Variants in KLC1 observed in about 807,000 individuals in gnomAD.
KLC1 encodes the protein kinesin 2 60/70kDa.
A neutral mutation model predicts 84.2 loss-of-function variants in KLC1; 30 were observed. The ratio of observed to expected loss-of-function variants is 0.36; its 90% CI spans 0.27 to 0.48. The LOEUF (loss-of-function observed/expected upper bound fraction) is 0.48. Among genes scored for constraint, KLC1 ranks in the 20% least tolerant of loss-of-function variants. The pLI, the probability that KLC1 is intolerant of heterozygous loss-of-function variation, is 0.99. For synonymous variants in KLC1, 289 were observed against 293.3 expected, an observed-to-expected ratio of 0.99 and a Z score of 0.15; for missense variants, 499 against 805.4, an observed-to-expected ratio of 0.62 and a Z score of 4.60.
rs557686710 is a variant in KLC1, at chr14:103,674,876, G to T, written c.1262-676G>T. ...ATTCCAGGGCCCTAGCATTTGCTGGGGTGTCTTGACAGTTGCTCACCTGTC... is the reference window on the plus strand; with the variant it reads ...ATTCCAGGGCCCTAGCATTTGCTGGTGTGTCTTGACAGTTGCTCACCTGTC... On this transcript the variant is annotated intron_variant, in intron 9 of 16. Transcript: ENST00000334553. Among the ~76,000 whole-genome samples, 4 of 152,212 alleles carry T rather than the reference G, an allele frequency of 2.6e-5. No individual in the cohort carries two copies. In the East Asian group the frequency reaches 7.7e-4, roughly 29 times the overall value.
intron 5 of KLC1, 133 bp from the exon 6 acceptor site, chr14:103,669,365 CGGAGGTTGCAGTG>C: frequency 2.1e-6 from 1 of 486,600 alleles, no homozygotes; most frequent in South Asian, 2.5e-5. Context: ...ACCCGTGAGG[CGGAGGTTGCAGTG>C]AGCCAAGATG....
intron 1 of KLC1, among the ~76,000 whole-genome samples, chr14:103,635,187 T>A (rs1388645930): frequency 6.6e-6 from 1 of 152,222 alleles, no homozygotes; most frequent in East Asian, 1.9e-4. Context: ...TCCTTGGTTC[T>A]AAAATATCTG....
chr14:103,690,779 T>G (rs2082062906), intron 14 of KLC1, among the ~76,000 whole-genome samples: 1 of 152,232 alleles, frequency 6.6e-6, no homozygotes, highest in African/African-American at 2.4e-5. Flanking sequence ...CTGTCCATCA[T>G]TTAAGTTATA....
chr14:103,637,622 A>T (rs935977585), intron 1 of KLC1, among the ~76,000 whole-genome samples: 2 of 151,740 alleles, frequency 1.3e-5, no homozygotes, highest in African/African-American at 2.4e-5. Flanking sequence ...TTCTGAAAGC[A>T]TATCTATAAA....
chr14:103,636,855 T>A (rs558142904), intron 1 of KLC1, among the ~76,000 whole-genome samples: 66 of 151,992 alleles, frequency 4.3e-4, no homozygotes, highest in Admixed American at 3.2e-3. Context: ...CTGGAGTAGC[T>A]GGGACTACAG....
chr14:103,675,433 A>G, intron 9 of KLC1, 119 bp from the exon 10 acceptor site: 1 of 749,314 alleles, frequency 1.3e-6, no homozygotes, highest in East Asian at 2.7e-5. Context: ...AAGTGCTCCA[A>G]AGTTTGAAAC....
intron 13 of KLC1, among the ~76,000 whole-genome samples, chr14:103,681,812 T>C (rs1009267531): frequency 1.3e-5 from 2 of 152,202 alleles, no homozygotes; most frequent in Admixed American, 1.3e-4. Flanking sequence ...ATCAACTTTT[T>C]TGAGGGATAA....
intron 1 of KLC1, among the ~76,000 whole-genome samples, chr14:103,636,640 G>A (rs571447817): frequency 6.6e-6 from 1 of 152,196 alleles, no homozygotes; most frequent in African/African-American, 2.4e-5. Context: ...GTCTTTGTAT[G>A]CCTGGATTTG....
At chr14:103,669,761 G>A (rs1388124735) in intron 6 of KLC1, among the ~76,000 whole-genome samples, 163 bp downstream of exon 6, 1 of 152,202 alleles carries the variant, frequency 6.6e-6, no homozygotes, top group Non-Finnish European at 1.5e-5. Flanking sequence ...GCTAGTGACA[G>A]GCCAGAGCAC....
rs558170788 is a variant in KLC1, at chr14:103,643,817, A to T, written c.-1-10747A>T. Reference sequence around the variant, plus strand: ...GTGGTGCATGCCTGTAATCCCAGCTACTCGGGAGGCTGAGTCAGGAGAATC... The same window carrying T: ...GTGGTGCATGCCTGTAATCCCAGCTTCTCGGGAGGCTGAGTCAGGAGAATC... On this transcript the variant is annotated intron_variant, in intron 1 of 16. Transcript: ENST00000334553. Among the ~76,000 whole-genome samples, 3 of 152,126 alleles carry T rather than the reference A, an allele frequency of 2.0e-5. No individual in the cohort carries two copies. In the South Asian group the frequency reaches 6.2e-4, roughly 32 times the overall value.
At chr14:103,686,222 C>T (rs1457017251) in intron 13 of KLC1, 1 of 986,444 alleles carries the variant, frequency 1.0e-6, no homozygotes, top group South Asian at 4.7e-5. Context: ...CTCACTCCGA[C>T]TGACCTGTGT....
intron 15 of KLC1, chr14:103,699,381 C>A: frequency 6.2e-7 from 1 of 1,609,606 alleles, no homozygotes; most frequent in Non-Finnish European, 8.5e-7. Context: ...ATGCACAGCA[C>A]AGGGCTCTGG....
At chr14:103,660,575 G>T (rs577903517) in intron 3 of KLC1, among the ~76,000 whole-genome samples, 17 of 151,982 alleles carry the variant, frequency 1.1e-4, no homozygotes, top group African/African-American at 3.6e-4. Flanking sequence ...GATTACCTGA[G>T]GCCAGGAGTT....
chr14:103,685,966 G>T, intron 13 of KLC1: 1 of 1,117,012 alleles, frequency 9.0e-7, no homozygotes, highest in Non-Finnish European at 1.1e-6. Context: ...GTCACACAAG[G>T]TGTTGTTGCA....
intron 1 of KLC1, among the ~76,000 whole-genome samples, chr14:103,643,925 C>A (rs1383020901): frequency 6.9e-6 from 1 of 144,592 alleles, no homozygotes; most frequent in Non-Finnish European, 1.5e-5. Flanking sequence ...TGTTAAGAAA[C>A]CTAAAGTTGG....
Position 103,645,956 on chromosome 14 carries a change from C to T in KLC1, c.-1-8608C>T, listed in dbSNP as rs184140108. Among the ~76,000 whole-genome samples, 161 of 151,982 alleles carry T rather than the reference C, an allele frequency of 1.1e-3. 3 individuals are homozygous for T. In the East Asian group the frequency reaches 0.026, roughly 25 times the overall value. On this transcript the variant is annotated intron_variant, in intron 1 of 16. Transcript: ENST00000334553. The stretch of plus-strand genomic sequence containing the variant: ...TGTATTTTTAGTAGAGACAGGGTTT[C>T]ATCGTGTTAGCCAGGATGGTCTTGA...
chr14:103,648,780 G>A (rs1308879358), intron 1 of KLC1, among the ~76,000 whole-genome samples: 1 of 152,112 alleles, frequency 6.6e-6, no homozygotes. Flanking sequence ...CAGCCTGGGT[G>A]ACAGAGTGAG....
chr14:103,689,763 T>A (rs2151840311), intron 14 of KLC1, among the ~76,000 whole-genome samples: 1 of 152,332 alleles, frequency 6.6e-6, no homozygotes, highest in South Asian at 2.1e-4. Flanking sequence ...ACTGAAAGGT[T>A]TTGAATGCCA....
At chr14:103,696,091 C>CGGGGGGGGGGGGGGGGGGGGGG in intron 15 of KLC1, 8 of 744,676 alleles carry the variant, frequency 1.1e-5, no homozygotes, top group Non-Finnish European at 8.9e-6. Context: ...ATAATCACTG[C>CGGGGGGGGGGGGGGGGGGGGGG]GCCCCCGCCC....
Sources: allele counts gnomAD v4.1 joint callset (sites outside exome capture counted in the v4.1 genomes callset), GRCh38; gene constraint gnomAD v4.1.1; transcripts MANE v1.5; gene names NCBI Gene and HGNC (gene_info 2026-07-23, HGNC 2026-07-21).